ETV6: variants seen among roughly 807,000 people sequenced by gnomAD.
ETV6 encodes the protein ETS variant transcription factor 6.
A neutral mutation model predicts 51.1 loss-of-function variants in ETV6; 16 were observed. That is an observed-to-expected ratio of 0.31 (90% CI 0.21 to 0.48). The LOEUF is 0.48. Ranked by LOEUF, ETV6 falls within the 20% of genes least tolerant of loss-of-function variation. ETV6 has a pLI of 0.99. For synonymous variants in ETV6, 240 were observed against 224.1 expected (o/e 1.07, Z -0.64); for missense variants, 458 against 594.8 (o/e 0.77, Z 2.39).
At chr12:11,758,087 C>T (rs1252583442) in intron 2 of ETV6, among the ~76,000 whole-genome samples, 1 of 152,292 alleles carries the variant, frequency 6.6e-6, no homozygotes, top group East Asian at 1.9e-4. Flanking sequence ...CTTCTAGGAG[C>T]AGGGTCTCAC....
chr12:11,845,793 C>A (rs1323458945), intron 3 of ETV6, among the ~76,000 whole-genome samples: 2 of 151,984 alleles, frequency 1.3e-5, no homozygotes, highest in East Asian at 1.9e-4. Context: ...GAGATCAAGA[C>A]CATCCTGGCT....
chr12:11,679,067 A>G (rs1279910845), intron 1 of ETV6, among the ~76,000 whole-genome samples: 1 of 152,244 alleles, frequency 6.6e-6, no homozygotes, highest in Admixed American at 6.5e-5. Context: ...TCAAATTGAC[A>G]TATAAAATTA....
chr12:11,874,610 GTGTGTA>G (rs1448245735), intron 5 of ETV6, among the ~76,000 whole-genome samples: 13 of 5,558 alleles, frequency 2.3e-3, no homozygotes, highest in Non-Finnish European at 0.011. Flanking sequence ...GTGTATGTGC[GTGTGTA>G]CACACATATG....
chr12:11,888,595 G>A (rs561447843), intron 7 of ETV6, among the ~76,000 whole-genome samples: 1 of 152,180 alleles, frequency 6.6e-6, no homozygotes, highest in South Asian at 2.1e-4. Flanking sequence ...TGGAGACAGG[G>A]TTTCGCCATG....
intron 1 of ETV6, among the ~76,000 whole-genome samples, chr12:11,749,145 C>T (rs544889794): frequency 3.9e-5 from 6 of 152,242 alleles, no homozygotes; most frequent in African/African-American, 1.4e-4. Context: ...AACCACATCA[C>T]GGCATTCTGA....
intron 2 of ETV6, among the ~76,000 whole-genome samples, chr12:11,772,707 A>G (rs749014038): frequency 2.0e-5 from 3 of 152,210 alleles, no homozygotes; most frequent in Non-Finnish European, 2.9e-5. Context: ...ACCATTCTGC[A>G]TGATTAAAAG....
chr12:11,684,658 C>T (rs1477199069), intron 1 of ETV6, among the ~76,000 whole-genome samples: 12 of 152,190 alleles, frequency 7.9e-5, no homozygotes, highest in Admixed American at 7.9e-4. Context: ...CTCAGAATTT[C>T]AGCTATAAAT....
At position 11,674,655 on chromosome 12, in the gene ETV6, GTGTGTGTT is replaced by G. The variant is rs1864382076; in HGVS notation, c.33+24498_33+24505del. On this transcript the variant is annotated intron_variant, in intron 1 of 7. Coordinates refer to ENST00000396373, the MANE Select transcript of ETV6 (RefSeq NM_001987.5). ...TGTGTGTGTGTGTGTGTGTGTGTGT[GTGTGTGTT>G]TGGTGTTTTCCCCATGAAGCCCTGA... Among the ~76,000 whole-genome samples, 4 of 142,596 alleles carry G rather than the reference GTGTGTGTT, an allele frequency of 2.8e-5. No homozygotes were observed. The South Asian group carries it at 9.3e-4, about 33-fold the overall frequency. The allele number at this position is 142,596 out of a possible 152,430, so 93.5% of individuals were successfully genotyped here.
chr12:11,698,857 C>T (rs1408803862), intron 1 of ETV6, among the ~76,000 whole-genome samples: 1 of 152,204 alleles, frequency 6.6e-6, no homozygotes, highest in Non-Finnish European at 1.5e-5. Context: ...GTTCTTAGCA[C>T]AACCCTCTGA....
intron 1 of ETV6, among the ~76,000 whole-genome samples, chr12:11,709,970 C>G (rs1865142282): frequency 6.6e-6 from 1 of 152,240 alleles, no homozygotes; most frequent in Admixed American, 6.5e-5. Context: ...TTCACTTTCT[C>G]TGGAGAACCC....
intron 2 of ETV6, among the ~76,000 whole-genome samples, chr12:11,825,416 C>T (rs1268708113): frequency 2.0e-5 from 3 of 152,310 alleles, no homozygotes; most frequent in Non-Finnish European, 4.4e-5. Context: ...AATTTCACCA[C>T]GTGGATAATA....
At chr12:11,845,711 G>C (rs1295875669) in intron 3 of ETV6, among the ~76,000 whole-genome samples, 3 of 152,124 alleles carry the variant, frequency 2.0e-5, no homozygotes, top group Non-Finnish European at 4.4e-5. Context: ...ACTAGGACCA[G>C]GCTGGGTGCA....
chr12:11,686,967 T>C (rs543018509), intron 1 of ETV6, among the ~76,000 whole-genome samples: 31 of 151,984 alleles, frequency 2.0e-4, no homozygotes, highest in African/African-American at 7.0e-4. Context: ...CTTACTGCAA[T>C]CTCCGCCTTC....
At chr12:11,687,752 A>T (rs1462202621) in intron 1 of ETV6, among the ~76,000 whole-genome samples, 1 of 152,006 alleles carries the variant, frequency 6.6e-6, no homozygotes, top group East Asian at 1.9e-4. Flanking sequence ...ACGGACTTGT[A>T]GCCTAGTTGA....
intron 2 of ETV6, chr12:11,768,842 C>T: frequency 2.2e-6 from 1 of 447,628 alleles, no homozygotes; most frequent in East Asian, 6.9e-5. Context: ...CTGCCTACCA[C>T]ATTCCAGCTA....
intron 3 of ETV6, among the ~76,000 whole-genome samples, chr12:11,852,783 GC>G (rs1235764148): frequency 1.3e-5 from 2 of 152,180 alleles, no homozygotes; most frequent in African/African-American, 4.8e-5. Context: ...ACTATTAAAA[GC>G]CCGCTTCTAA....
intron 2 of ETV6, among the ~76,000 whole-genome samples, chr12:11,762,098 T>G (rs1945093984): frequency 6.6e-6 from 1 of 152,192 alleles, no homozygotes; most frequent in Admixed American, 6.5e-5. Context: ...TTCCTGTGAT[T>G]GAAATCGGGT....
At chr12:11,850,539 G>A (rs1200247391) in intron 3 of ETV6, among the ~76,000 whole-genome samples, 1 of 151,850 alleles carries the variant, frequency 6.6e-6, no homozygotes, top group East Asian at 1.9e-4. Context: ...GTAATGATGG[G>A]AGTGTTTGTG....
intron 1 of ETV6, among the ~76,000 whole-genome samples, chr12:11,712,039 T>C (rs1414388197): frequency 6.6e-6 from 1 of 152,208 alleles, no homozygotes; most frequent in Non-Finnish European, 1.5e-5. Context: ...TTCCCATCAT[T>C]ATTTTCTAGC....
Sources: gnomAD v4.1 joint callset for allele counts (sites outside exome capture counted in the v4.1 genomes callset) on GRCh38, gnomAD v4.1.1 for gene constraint, MANE v1.5 for transcripts, NCBI Gene and HGNC (gene_info 2026-07-23, HGNC 2026-07-21) for gene names.